The following COL8A1 variants were observed in gnomAD, a reference collection of about 807,000 sequenced individuals.
The protein encoded by COL8A1 is collagen type VIII alpha 1 chain.
In COL8A1, 21 loss-of-function variants were observed where a neutral mutation model predicts 42.7. The ratio of observed to expected loss-of-function variants is 0.49; its 90% CI spans 0.35 to 0.71. The LOEUF is 0.71. Among genes scored for constraint, COL8A1 ranks in the 30% least tolerant of loss-of-function variants. The probability of loss-of-function intolerance (pLI) is 0.01; values close to 1 mark genes in which losing one functional copy is unlikely to be tolerated. For synonymous variants in COL8A1, 367 were observed against 369.1 expected (o/e 0.99, Z 0.06); for missense variants, 788 against 962.4 (o/e 0.82, Z 2.40).
chr3:99,657,610 T>C (rs1938062838), intron 1 of COL8A1, among the ~76,000 whole-genome samples: 2 of 152,166 alleles, frequency 1.3e-5, no homozygotes, highest in African/African-American at 4.8e-5. Context: ...TGAAACACCC[T>C]CAACTTAACG....
intron 1 of COL8A1, among the ~76,000 whole-genome samples, chr3:99,662,131 C>T (rs969388352): frequency 6.6e-6 from 1 of 152,172 alleles, no homozygotes; most frequent in Non-Finnish European, 1.5e-5. Context: ...ATAATCCCAG[C>T]ACTCTGGGAG....
At chr3:99,686,801 A>G (rs966905247) in intron 1 of COL8A1, among the ~76,000 whole-genome samples, 1 of 152,110 alleles carries the variant, frequency 6.6e-6, no homozygotes, top group Non-Finnish European at 1.5e-5. Context: ...TCAGCCTCCC[A>G]AGTAGGTGGG....
At chr3:99,755,080 C>G (rs1941228420) in intron 2 of COL8A1, among the ~76,000 whole-genome samples, 1 of 151,944 alleles carries the variant, frequency 6.6e-6, no homozygotes, top group African/African-American at 2.4e-5. Context: ...CCAAAGCAAC[C>G]CTAAAATTAG....
In COL8A1 at chr3:99,733,261, T is replaced by C. The variant is rs530927251; in HGVS notation, c.-128-11636T>C. Among the ~76,000 whole-genome samples, 307 of 150,988 alleles carry C rather than the reference T, an allele frequency of 2.0e-3. 1 individual carries two copies. Among genetic ancestry groups the C allele is most frequent in the African/African-American group, 7.1e-3 (289 of 40,926 alleles). ...GTGCTGCACCCACTAACTCATCATC[T>C]AGCATTAGGTATATCTCCCAATGCT... On this transcript the variant is annotated intron_variant, in intron 1 of 3. Transcript: ENST00000652472.
intron 2 of COL8A1, among the ~76,000 whole-genome samples, chr3:99,785,502 G>A (rs1241850837): frequency 1.3e-5 from 2 of 152,186 alleles, no homozygotes; most frequent in East Asian, 1.9e-4. Context: ...GGTGGGGAAG[G>A]CTTCACAGAG....
chr3:99,773,318 G>A (rs767842198), intron 2 of COL8A1, among the ~76,000 whole-genome samples: 8 of 152,080 alleles, frequency 5.3e-5, no homozygotes, highest in South Asian at 4.1e-4. Flanking sequence ...TGGCTTCCAC[G>A]TCATAGTGAG....
At chr3:99,673,175 A>C (rs1559774591) in intron 1 of COL8A1, among the ~76,000 whole-genome samples, 1 of 151,256 alleles carries the variant, frequency 6.6e-6, no homozygotes, top group Non-Finnish European at 1.5e-5. Context: ...ATTTTTGTGG[A>C]TTTTTTTTTA....
chr3:99,638,982 T>C (rs965591810), intron 1 of COL8A1, among the ~76,000 whole-genome samples: 1 of 152,188 alleles, frequency 6.6e-6, no homozygotes, highest in African/African-American at 2.4e-5. Flanking sequence ...TCACTGTACA[T>C]ATTTCACACA....
chr3:99,771,655 G>T (rs1247353390), intron 2 of COL8A1, among the ~76,000 whole-genome samples: 1 of 152,190 alleles, frequency 6.6e-6, no homozygotes, highest in Non-Finnish European at 1.5e-5. Context: ...TGTTAATTCT[G>T]TGCAGCTAAG....
Position 99,756,676 on chromosome 3 carries a change from T to C in COL8A1, c.-4+11655T>C, listed in dbSNP as rs913245140. 3.9e-5 allele frequency among the ~76,000 whole-genome samples: 6 copies of C among 152,362 alleles called. No individual in the cohort carries two copies. The East Asian group carries it at 9.6e-4, about 24-fold the overall frequency. ...GGTCTCTGAGCCAGTGGTTCTTTTA[T>C]GGGAACCAGGGTCTTCAATTTCCAG... On this transcript the variant is annotated intron_variant, in intron 2 of 3. Coordinates refer to ENST00000652472, the MANE Select transcript of COL8A1 (RefSeq NM_020351.4).
chr3:99,645,071 C>T (rs1383820393), intron 1 of COL8A1, among the ~76,000 whole-genome samples: 1 of 152,164 alleles, frequency 6.6e-6, no homozygotes, highest in Non-Finnish European at 1.5e-5. Context: ...TGTGATGGGG[C>T]AGGTGGGACG....
intron 1 of COL8A1, among the ~76,000 whole-genome samples, chr3:99,664,482 TAA>T (rs113465524): frequency 2.7e-4 from 40 of 149,112 alleles, no homozygotes; most frequent in Non-Finnish European, 3.7e-4. Flanking sequence ...TAAAGTATAA[TAA>T]AAAAAAAATA....
chr3:99,680,649 C>T (rs551747622), intron 1 of COL8A1, among the ~76,000 whole-genome samples: 1 of 152,120 alleles, frequency 6.6e-6, no homozygotes, highest in Non-Finnish European at 1.5e-5. Flanking sequence ...ACATCCTCTC[C>T]AGCACCTGTT....
intron 1 of COL8A1, among the ~76,000 whole-genome samples, chr3:99,735,541 G>C (rs921244294): frequency 6.7e-6 from 1 of 150,238 alleles, no homozygotes; most frequent in Non-Finnish European, 1.5e-5. Flanking sequence ...TGTGCTGCTG[G>C]ATTCAGTTTG....
chr3:99,646,895 C>G (rs145183745), intron 1 of COL8A1, among the ~76,000 whole-genome samples: 396 of 152,290 alleles, frequency 2.6e-3, no homozygotes, highest in African/African-American at 9.1e-3. Context: ...GGTTTCTGAT[C>G]TAAAAACTCT....
chr3:99,735,637 C>G (rs1164753900), intron 1 of COL8A1, among the ~76,000 whole-genome samples: 2 of 149,456 alleles, frequency 1.3e-5, no homozygotes, highest in Non-Finnish European at 3.0e-5. Context: ...CTCTGCCTGG[C>G]TTTGGTATCA....
At position 99,796,310 on chromosome 3, in the gene COL8A1, T is replaced by C. The variant is rs1942107696; in HGVS notation, c.*174T>C. On this transcript the variant is annotated 3_prime_UTR_variant, in exon 4 of 4. Transcript: ENST00000652472. ...AATAAAAACTAAGATGCATGTTTAATACTCCACACAGCAGCCTGTAATTGC... is the reference window on the plus strand; with the variant it reads ...AATAAAAACTAAGATGCATGTTTAACACTCCACACAGCAGCCTGTAATTGC... The C allele has an allele frequency of 1.9e-6, 1 of 524,912 alleles. No individual in the cohort carries two copies. Among genetic ancestry groups the C allele is most frequent in the Non-Finnish European group, 3.3e-6 (1 of 304,028 alleles). The allele number at this position is 524,912 out of a possible 1,614,324, so 32.5% of individuals were successfully genotyped here.
At chr3:99,701,506 A>G (rs758965154) in intron 1 of COL8A1, among the ~76,000 whole-genome samples, 2 of 152,218 alleles carry the variant, frequency 1.3e-5, no homozygotes, top group Non-Finnish European at 2.9e-5. Context: ...AGGGATCTGC[A>G]TTCTCCTCCA....
chr3:99,677,631 T>C (rs566099238), intron 1 of COL8A1: 1 of 152,198 alleles, frequency 6.6e-6, no homozygotes, highest in Non-Finnish European at 1.5e-5. Context: ...AATTTTGAAC[T>C]AATAGAGAAT....
Sources: gnomAD v4.1 joint callset for allele counts (sites outside exome capture counted in the v4.1 genomes callset) on GRCh38, gnomAD v4.1.1 for gene constraint, MANE v1.5 for transcripts, NCBI Gene and HGNC (gene_info 2026-07-23, HGNC 2026-07-21) for gene names.